PRKN: variants seen among roughly 807,000 people sequenced by gnomAD.
PRKN encodes E3 ubiquitin-protein ligase parkin.
PRKN carries 56 observed loss-of-function variants against 59.5 expected under a neutral mutation model. The observed-to-expected ratio is 0.94, with a 90% CI of 0.76 to 1.18. The LOEUF (loss-of-function observed/expected upper bound fraction) is 1.18, where lower values mean the gene tolerates loss of function less well. Ranked by LOEUF, PRKN falls within the 50% of genes most tolerant of loss-of-function variation. The pLI is 0.00. For synonymous variants in PRKN, 250 were observed against 222.1 expected, an observed-to-expected ratio of 1.13 and a Z score of -1.12; for missense variants, 657 against 596.4, an observed-to-expected ratio of 1.10 and a Z score of -1.06.
chr6:162,623,889 A>T lies in PRKN; in HGVS notation c.7+103773T>A, dbSNP rs535068232. 3.9e-5 allele frequency among the ~76,000 whole-genome samples: 6 copies of T among 152,302 alleles called. No homozygotes were observed. In the East Asian group the frequency reaches 7.7e-4, roughly 20 times the overall value. On this transcript the variant is annotated intron_variant, in intron 1 of 11. Transcript: ENST00000366898. Reference sequence around the variant, plus strand: ...TTGAGAAGGCTGAAGGTGGGGGCAGAGATGCTTCACAGCCTAGCTTCATTC... The same window carrying T: ...TTGAGAAGGCTGAAGGTGGGGGCAGTGATGCTTCACAGCCTAGCTTCATTC...
At chr6:162,504,698 A>G (rs1793528040) in intron 1 of PRKN, among the ~76,000 whole-genome samples, 1 of 152,196 alleles carries the variant, frequency 6.6e-6, no homozygotes, top group Non-Finnish European at 1.5e-5. Context: ...AAAAGAACTG[A>G]TACATTTGTC....
intron 1 of PRKN, among the ~76,000 whole-genome samples, chr6:162,512,201 T>C (rs1777654244): frequency 6.6e-6 from 1 of 152,168 alleles, no homozygotes; most frequent in Admixed American, 6.5e-5. Context: ...TTACTAAAAA[T>C]GGGTTGTGTC....
chr6:161,684,287 G>A (rs191078082), intron 7 of PRKN, among the ~76,000 whole-genome samples: 2 of 151,988 alleles, frequency 1.3e-5, no homozygotes, highest in East Asian at 3.9e-4. Flanking sequence ...TAGAGATGAG[G>A]GTCTTACCAT....
chr6:162,570,143 A>C (rs1188375848), intron 1 of PRKN, among the ~76,000 whole-genome samples: 1 of 152,234 alleles, frequency 6.6e-6, no homozygotes, highest in Non-Finnish European at 1.5e-5. Flanking sequence ...AAATAGGCAA[A>C]AGATTTGAAC....
At chr6:161,969,064 G>C (rs1780696331) in intron 6 of PRKN, among the ~76,000 whole-genome samples, 1 of 152,130 alleles carries the variant, frequency 6.6e-6, no homozygotes, top group African/African-American at 2.4e-5. Context: ...TATGCTGAAA[G>C]AGAGGCAGGA....
rs979540517 is a variant in PRKN, at chr6:161,355,686, G to A, written c.1285+4402C>T. Among the ~76,000 whole-genome samples the A allele has an allele frequency of 5.9e-5, 9 of 152,016 alleles. No individual in the cohort carries two copies. The highest frequency in any genetic ancestry group is 1.4e-4 in the African/African-American group (6 of 41,420). On this transcript the variant is annotated intron_variant, in intron 11 of 11. Transcript: ENST00000366898. The surrounding 1 kb of genome is among the most constrained non-coding windows in gnomAD (Gnocchi z 6.8). ...CTCCCAAAGTGCTGGGATTACAGGC[G>A]TGAGTCACCACGCCCGGCCTACAAG... is the stretch of plus-strand genomic sequence containing the variant.
intron 2 of PRKN, among the ~76,000 whole-genome samples, chr6:162,441,337 C>T (rs781699002): frequency 1.2e-4 from 19 of 152,094 alleles, no homozygotes; most frequent in Non-Finnish European, 2.2e-4. Flanking sequence ...TCTTCAACAT[C>T]TCTCTTCAGG....
chr6:162,043,041 G>A (rs184063288), intron 5 of PRKN, among the ~76,000 whole-genome samples: 5 of 152,172 alleles, frequency 3.3e-5, no homozygotes, highest in East Asian at 1.9e-4. Context: ...TAATCATGGC[G>A]GGAGGTGAAA....
chr6:162,440,585 T>C (rs997586498), intron 2 of PRKN, among the ~76,000 whole-genome samples: 1 of 152,180 alleles, frequency 6.6e-6, no homozygotes. Flanking sequence ...TCATTTTGCA[T>C]GATAAGCTAA....
At chr6:161,701,069 A>G (rs957217799) in intron 7 of PRKN, among the ~76,000 whole-genome samples, 2 of 152,220 alleles carry the variant, frequency 1.3e-5, no homozygotes, top group African/African-American at 4.8e-5. Context: ...CCAGTCCATC[A>G]TTCCTGTAAA....
At chr6:161,991,612 C>T (rs185683293) in intron 5 of PRKN, among the ~76,000 whole-genome samples, 21 of 151,894 alleles carry the variant, frequency 1.4e-4, no homozygotes, top group Middle Eastern at 3.4e-3. Context: ...GAGGCCGAGG[C>T]GGGCGGGTCA....
chr6:162,589,891 A>G (rs1311204423), intron 1 of PRKN, among the ~76,000 whole-genome samples: 2 of 152,200 alleles, frequency 1.3e-5, no homozygotes, highest in South Asian at 4.1e-4. Context: ...TTGTATCTCC[A>G]ACAGCATCTG....
chr6:162,359,095 T>TATATATATATAC (rs1477670064), intron 2 of PRKN, among the ~76,000 whole-genome samples: 8 of 141,966 alleles, frequency 5.6e-5, no homozygotes, highest in East Asian at 2.0e-4. Context: ...TATATATATA[T>TATATATATATAC]ATGAAATCAC....
At chr6:161,627,582 A>C (rs1783136727) in intron 7 of PRKN, among the ~76,000 whole-genome samples, 1 of 152,232 alleles carries the variant, frequency 6.6e-6, no homozygotes, top group African/African-American at 2.4e-5. Flanking sequence ...TGTGGCGGAG[A>C]GTTCTAGGAA....
intron 9 of PRKN, among the ~76,000 whole-genome samples, chr6:161,426,606 T>C (rs1482847150): frequency 2.0e-5 from 3 of 149,470 alleles, no homozygotes; most frequent in Non-Finnish European, 3.0e-5. Context: ...TGGGACCTTG[T>C]GATCATGTGA....
At chr6:162,449,973 C>A (rs1191102348) in intron 1 of PRKN, among the ~76,000 whole-genome samples, 1 of 152,188 alleles carries the variant, frequency 6.6e-6, no homozygotes, top group Non-Finnish European at 1.5e-5. Flanking sequence ...AAGCCAGGTG[C>A]AGTCCGTGCA....
At chr6:161,350,663 A>C (rs899388504) in intron 11 of PRKN, among the ~76,000 whole-genome samples, 1 of 85,846 alleles carries the variant, frequency 1.2e-5, no homozygotes, top group Non-Finnish European at 2.0e-5. Context: ...ATTTTTATAT[A>C]TTTATATTTA....
intron 4 of PRKN, among the ~76,000 whole-genome samples, chr6:162,188,145 G>C (rs1425512787): frequency 6.6e-6 from 1 of 152,102 alleles, no homozygotes. Flanking sequence ...CCTTCCACCA[G>C]AAGTGTGAGG....
chr6:162,121,119 T>C (rs1052304775), intron 4 of PRKN, among the ~76,000 whole-genome samples: 1 of 152,148 alleles, frequency 6.6e-6, no homozygotes, highest in Admixed American at 6.5e-5. Flanking sequence ...GCACCTGCAC[T>C]TTTCTCTGGG....
Sources: gnomAD v4.1 joint callset for allele counts (sites outside exome capture counted in the v4.1 genomes callset) on GRCh38, gnomAD v4.1.1 for gene constraint, Gnocchi (gnomAD v3.1) non-coding constraint, MANE v1.5 for transcripts, NCBI Gene and HGNC (gene_info 2026-07-23, HGNC 2026-07-21) for gene names.